The following KIF27 variants were observed in gnomAD, a reference collection of about 807,000 sequenced individuals.
KIF27 encodes kinesin-like protein KIF27.
KIF27 carries 84 observed loss-of-function variants against 141.8 expected under a neutral mutation model. The ratio of observed to expected loss-of-function variants is 0.59; its 90% CI spans 0.50 to 0.71. The LOEUF is 0.71. KIF27 is among the 30% of genes least tolerant of loss of function. The pLI is 0.00. For missense variants in KIF27, 1,306 were observed against 1,628.4 expected, an observed-to-expected ratio of 0.80 and a Z score of 3.41; for synonymous variants, 471 against 569.5, an observed-to-expected ratio of 0.83 and a Z score of 2.46.
intron 11 of KIF27, among the ~76,000 whole-genome samples, chr9:83,872,473 A>G (rs1226346360): frequency 3.3e-5 from 5 of 152,238 alleles, no homozygotes; most frequent in Non-Finnish European, 7.3e-5. Context: ...GTGATGGATA[A>G]GTACACAATT....
At chr9:83,911,525 G>A (rs781391255) in intron 2 of KIF27, among the ~76,000 whole-genome samples, 1 of 151,876 alleles carries the variant, frequency 6.6e-6, no homozygotes, top group South Asian at 2.1e-4. Context: ...CACCACACCC[G>A]GCCCACTTTT....
chr9:83,905,626 T>A (rs1464407662), intron 3 of KIF27, among the ~76,000 whole-genome samples: 1 of 152,200 alleles, frequency 6.6e-6, no homozygotes, highest in Non-Finnish European at 1.5e-5. Context: ...TAAAGTCCTG[T>A]AAGTCATAGT....
chr9:83,851,038 G>T (rs150827379), intron 15 of KIF27, among the ~76,000 whole-genome samples: 1 of 150,702 alleles, frequency 6.6e-6, no homozygotes, highest in Non-Finnish European at 1.5e-5. Flanking sequence ...GGGTTTCACC[G>T]TGTTAGCTAG....
At position 83,917,227 on chromosome 9, in the gene KIF27, A is replaced by G. The variant is rs562530898; in HGVS notation, c.-87-1549T>C. ...AATGTAAAAAACAATTCCATTTACA[A>G]TAGCATCAAAAAGAATAAAATACTT... On this transcript the variant is annotated intron_variant, in intron 1 of 17. Transcript: ENST00000297814. 1.6e-4 allele frequency among the ~76,000 whole-genome samples: 25 copies of G among 152,250 alleles called. No individual in the cohort carries two copies. In the South Asian group the frequency reaches 5.0e-3, roughly 30 times the overall value.
chr9:83,852,777 T>C (rs1199791001), intron 15 of KIF27, among the ~76,000 whole-genome samples: 1 of 152,116 alleles, frequency 6.6e-6, no homozygotes, highest in Non-Finnish European at 1.5e-5. Context: ...TACAGGTGTA[T>C]GCTACCATAC....
Position 83,919,699 on chromosome 9 carries a change from A to C in KIF27, c.-88+1672T>G, listed in dbSNP as rs575045418. On this transcript the variant is annotated intron_variant, in intron 1 of 17. Coordinates refer to ENST00000297814, the MANE Select transcript of KIF27 (RefSeq NM_017576.4). ...CACTTGAGCCCAGGAGTTCGAGACC[A>C]GCCTGGGCAACATGGAGAAACCCTG... 6.8e-4 allele frequency among the ~76,000 whole-genome samples: 103 copies of C among 151,674 alleles called. 3 individuals carry two copies. The Middle Eastern group carries it at 0.014, about 20-fold the overall frequency.
intron 5 of KIF27, among the ~76,000 whole-genome samples, chr9:83,896,903 C>T (rs1401448309): frequency 6.6e-6 from 1 of 151,982 alleles, no homozygotes; most frequent in Non-Finnish European, 1.5e-5. Context: ...GTGGTTTTTG[C>T]CAGGGGCTGA....
intron 9 of KIF27, among the ~76,000 whole-genome samples, chr9:83,885,946 G>A (rs1291385612): frequency 5.4e-5 from 6 of 110,784 alleles, no homozygotes; most frequent in African/African-American, 3.0e-4. Context: ...AGTTTTTTGT[G>A]TTGTTTTTTT....
intron 10 of KIF27, among the ~76,000 whole-genome samples, chr9:83,880,962 T>C (rs1370183166): frequency 1.3e-5 from 2 of 152,324 alleles, no homozygotes; most frequent in East Asian, 1.9e-4. Context: ...GTATTCTATA[T>C]AGACTACTGT....
intron 1 of KIF27, among the ~76,000 whole-genome samples, chr9:83,917,693 A>C (rs1440685197): frequency 6.6e-6 from 1 of 152,226 alleles, no homozygotes; most frequent in African/African-American, 2.4e-5. Flanking sequence ...TGCCAAGACA[A>C]TTCAACTGAA....
chr9:83,891,263 T>C (rs752330223), intron 6 of KIF27, 32 bp downstream of exon 6: 1 of 1,588,366 alleles, frequency 6.3e-7, no homozygotes, highest in South Asian at 1.1e-5. Flanking sequence ...TTTTTTAATC[T>C]CCAAATAAGG....
chr9:83,841,589 T>C (rs1266726480), intron 17 of KIF27, among the ~76,000 whole-genome samples: 1 of 152,256 alleles, frequency 6.6e-6, no homozygotes, highest in African/African-American at 2.4e-5. Flanking sequence ...CTAATTCTTT[T>C]ATAAAATGTA....
intron 11 of KIF27, among the ~76,000 whole-genome samples, chr9:83,872,335 A>AAACAG (rs1166160331): frequency 1.3e-5 from 2 of 152,038 alleles, no homozygotes; most frequent in Non-Finnish European, 2.9e-5. Flanking sequence ...AAACAAAACA[A>AAACAG]AAGGCGCAAT....
intron 3 of KIF27, among the ~76,000 whole-genome samples, chr9:83,905,364 T>C (rs1299014576): frequency 6.6e-6 from 1 of 152,128 alleles, no homozygotes; most frequent in Admixed American, 6.6e-5. Context: ...GTGATCCACC[T>C]GCCTCGGCCT....
At chr9:83,916,495 A>C (rs1291748223) in intron 1 of KIF27, among the ~76,000 whole-genome samples, 1 of 152,194 alleles carries the variant, frequency 6.6e-6, no homozygotes, top group African/African-American at 2.4e-5. Context: ...TTCAAAAATA[A>C]TCAAAACTAA....
intron 14 of KIF27, among the ~76,000 whole-genome samples, chr9:83,857,169 T>C (rs1949324282): frequency 6.6e-6 from 1 of 152,006 alleles, no homozygotes; most frequent in Non-Finnish European, 1.5e-5. Flanking sequence ...TTTCTATCCA[T>C]TTCCATAAAG....
rs761975954 is a variant in KIF27, at chr9:83,908,568, T to G, written c.383A>C (p.Asp128Ala). ...FQSISEHPSIDFNVKVSYIEV... is the reference protein window; with the variant it reads ...FQSISEHPSIAFNVKVSYIEV... ...TATATAAGATACTTTTACATTAAAG[T>G]CAATGCTAGGATGTTCAGAGATGCT... is the stretch of plus-strand genomic sequence containing the variant. The change falls in exon 3 of 18, where the codon GAC (aspartate) becomes GCC (alanine). Residue 128 changes from aspartate to alanine, a missense_variant. By Grantham distance (126) the Asp-to-Ala change is moderately radical. Around this residue, in one of 4 missense-constraint regions of KIF27, gnomAD observed 533 missense variants for 565.6 expected, o/e 0.94. Transcript: ENST00000297814. The G allele has an allele frequency of 9.9e-6, 16 of 1,611,586 alleles. No individual in the cohort carries two copies. Among genetic ancestry groups the G allele is most frequent in the Non-Finnish European group, 1.4e-5 (16 of 1,178,132 alleles).
chr9:83,863,280 T>C (rs1302236447), intron 13 of KIF27, among the ~76,000 whole-genome samples: 3 of 152,174 alleles, frequency 2.0e-5, no homozygotes, highest in Non-Finnish European at 4.4e-5. Context: ...GCTTCCAGTT[T>C]TTGCCCATTC....
At chr9:83,895,427 T>C (rs1434597557) in intron 5 of KIF27, among the ~76,000 whole-genome samples, 1 of 152,186 alleles carries the variant, frequency 6.6e-6, no homozygotes, top group Admixed American at 6.5e-5. Flanking sequence ...AAATTAAAAA[T>C]ACCTATAGAA....
Sources: allele counts gnomAD v4.1 joint callset (sites outside exome capture counted in the v4.1 genomes callset), GRCh38; gene constraint gnomAD v4.1.1; regional missense constraint gnomAD v4.1.1; transcripts MANE v1.5; gene names NCBI Gene and HGNC (gene_info 2026-07-23, HGNC 2026-07-21).